GRID1: variants seen among roughly 807,000 people sequenced by gnomAD.
GRID1 encodes the protein glutamate ionotropic receptor delta type subunit 1, also known as glutamate receptor ionotropic, delta-1.
GRID1 carries 28 observed loss-of-function variants against 98.0 expected under a neutral mutation model. The ratio of observed to expected loss-of-function variants is 0.29; its 90% CI spans 0.21 to 0.39. The LOEUF (loss-of-function observed/expected upper bound fraction) is 0.39, where lower values mean the gene tolerates loss of function less well. Among genes scored for constraint, GRID1 ranks in the 10% least tolerant of loss-of-function variants. The probability of loss-of-function intolerance (pLI) is 1.00; values close to 1 mark genes in which losing one functional copy is unlikely to be tolerated. For missense variants in GRID1, 1,111 were observed against 1,340.5 expected, an observed-to-expected ratio of 0.83 and a Z score of 2.67; for synonymous variants, 553 against 538.5, an observed-to-expected ratio of 1.03 and a Z score of -0.37.
chr10:86,053,971 T>C (rs902768185), intron 4 of GRID1, among the ~76,000 whole-genome samples: 23 of 152,204 alleles, frequency 1.5e-4, no homozygotes, highest in African/African-American at 5.5e-4. Context: ...CCATGTTTTG[T>C]AAATAGGCCT....
At chr10:85,699,624 A>G (rs1239880215) in intron 12 of GRID1, among the ~76,000 whole-genome samples, 2 of 152,220 alleles carry the variant, frequency 1.3e-5, no homozygotes, top group Non-Finnish European at 2.9e-5. Context: ...ATAATAATAC[A>G]AAATTAAAAA....
chr10:86,233,539 C>A (rs1016841985), intron 2 of GRID1, among the ~76,000 whole-genome samples: 1 of 152,114 alleles, frequency 6.6e-6, no homozygotes, highest in Non-Finnish European at 1.5e-5. Context: ...GGGGAGCTGC[C>A]GGAGGGGATG....
chr10:85,844,420 TACACACACACACACACACACAC>T (rs55706189), intron 8 of GRID1, among the ~76,000 whole-genome samples: 22 of 133,858 alleles, frequency 1.6e-4, no homozygotes, highest in African/African-American at 3.8e-4. Flanking sequence ...TACAACTAAA[TACACACACACACACACACACAC>T]ACACACACAC....
chr10:85,599,917 T>TCACACACACACACACACA lies in GRID1; in HGVS notation c.*2355_*2356insTGTGTGTGTGTGTGTGTG, dbSNP rs148220959. The stretch of plus-strand genomic sequence containing the variant: ...TGGTCTCTCTCTCTCTCTCTCTCTC[T>TCACACACACACACACACA]CTCACACACACACACACACACAAAC... On this transcript the variant is annotated 3_prime_UTR_variant, in exon 16 of 16. Coordinates refer to ENST00000327946, the MANE Select transcript of GRID1 (RefSeq NM_017551.3). The TCACACACACACACACACA allele has an allele frequency of 6.4e-5, 5 of 77,524 alleles. No homozygotes were observed. The highest frequency in any genetic ancestry group is 1.0e-4 in the Non-Finnish European group (4 of 39,604). 4.8% of individuals were successfully genotyped at this position (77,524 alleles called of 1,614,324 possible).
intron 2 of GRID1, among the ~76,000 whole-genome samples, chr10:86,227,887 T>A (rs982237503): frequency 1.3e-5 from 2 of 152,128 alleles, no homozygotes; most frequent in African/African-American, 4.8e-5. Context: ...GCCTGACACA[T>A]GGTAGATACA....
intron 12 of GRID1, among the ~76,000 whole-genome samples, chr10:85,712,499 A>T (rs1308927760): frequency 1.3e-5 from 2 of 151,906 alleles, no homozygotes; most frequent in African/African-American, 4.8e-5. Context: ...CCCCACTTTC[A>T]ACAATGGAAA....
intron 4 of GRID1, among the ~76,000 whole-genome samples, chr10:86,124,963 T>A (rs1219356106): frequency 6.6e-6 from 1 of 152,212 alleles, no homozygotes; most frequent in Non-Finnish European, 1.5e-5. Context: ...GAGCATCTAC[T>A]CTGCATAGCC....
At chr10:85,605,268 G>C (rs955065185) in intron 15 of GRID1, 6 of 152,220 alleles carry the variant, frequency 3.9e-5, no homozygotes, top group African/African-American at 1.2e-4. Context: ...TATCTATAAG[G>C]CATGTTCATT....
chr10:85,740,906 C>T (rs555173943), intron 8 of GRID1, among the ~76,000 whole-genome samples: 9 of 152,070 alleles, frequency 5.9e-5, no homozygotes, highest in Non-Finnish European at 1.3e-4. Flanking sequence ...TGTGTGCCAC[C>T]ACACCTGGCT....
intron 12 of GRID1, 195 bp from the exon 13 acceptor site, chr10:85,647,592 GT>G: frequency 1.7e-6 from 1 of 582,174 alleles, no homozygotes; most frequent in East Asian, 2.8e-5. Context: ...AATTACAGGT[GT>G]GTTTTCTCAG....
intron 8 of GRID1, among the ~76,000 whole-genome samples, chr10:85,828,991 C>G (rs1215586139): frequency 6.6e-6 from 1 of 152,044 alleles, no homozygotes; most frequent in Non-Finnish European, 1.5e-5. Context: ...CAAAACCTAG[C>G]AGAGACACAA....
chr10:86,089,239 C>T (rs756436989), intron 4 of GRID1, among the ~76,000 whole-genome samples: 2 of 152,144 alleles, frequency 1.3e-5, no homozygotes, highest in Admixed American at 6.5e-5. Flanking sequence ...GGAGCAGTAA[C>T]GATGCATCCC....
At chr10:86,125,236 C>G (rs77663942) in intron 4 of GRID1, among the ~76,000 whole-genome samples, 4,135 of 152,326 alleles carry the variant, frequency 0.027, 79 homozygotes, top group Non-Finnish European at 0.042. Flanking sequence ...AAATAGGAAG[C>G]TACTTCTCAT....
chr10:86,335,751 T>G (rs930619038), intron 2 of GRID1, among the ~76,000 whole-genome samples: 3 of 152,224 alleles, frequency 2.0e-5, no homozygotes, highest in African/African-American at 7.2e-5. Flanking sequence ...TATGAAGAGA[T>G]GCCCAGCCAA....
chr10:86,172,778 A>G (rs1187429669), intron 3 of GRID1, among the ~76,000 whole-genome samples: 1 of 152,164 alleles, frequency 6.6e-6, no homozygotes, highest in Admixed American at 6.5e-5. Context: ...AGGCCGTAAA[A>G]CCTAAAATAA....
At chr10:85,667,035 G>A (rs529701905) in intron 12 of GRID1, among the ~76,000 whole-genome samples, 2 of 152,304 alleles carry the variant, frequency 1.3e-5, no homozygotes, top group African/African-American at 2.4e-5. Flanking sequence ...TCATTAGGCT[G>A]TAAAGAGAGG....
intron 4 of GRID1, among the ~76,000 whole-genome samples, chr10:86,019,446 C>T (rs932950106): frequency 2.0e-5 from 3 of 152,208 alleles, no homozygotes; most frequent in East Asian, 1.9e-4. Flanking sequence ...TGGAGGGCTT[C>T]GGGGCATGGG....
intron 13 of GRID1, among the ~76,000 whole-genome samples, chr10:85,624,579 C>T (rs1318016605): frequency 6.6e-6 from 1 of 152,224 alleles, no homozygotes; most frequent in Non-Finnish European, 1.5e-5. Context: ...TGCAGATCAT[C>T]TAAGAAAGTA....
At chr10:86,346,487 C>T (rs1297228345) in intron 2 of GRID1, among the ~76,000 whole-genome samples, 3 of 152,184 alleles carry the variant, frequency 2.0e-5, no homozygotes, top group East Asian at 1.9e-4. Flanking sequence ...CAGAGATAAA[C>T]GTCTCTGAGT....
Sources: gnomAD v4.1 joint callset for allele counts (sites outside exome capture counted in the v4.1 genomes callset) on GRCh38, gnomAD v4.1.1 for gene constraint, MANE v1.5 for transcripts, NCBI Gene and HGNC (gene_info 2026-07-23, HGNC 2026-07-21) for gene names.